PRH1: variants seen among roughly 807,000 people sequenced by gnomAD.
PRH1 encodes the protein salivary acidic proline-rich phosphoprotein 1/2.
A neutral mutation model predicts 7.9 loss-of-function variants in PRH1; 7 were observed. The ratio of observed to expected loss-of-function variants is 0.89; its 90% CI spans 0.50 to 1.67. The LOEUF is 1.67. PRH1 is among the 40% of genes most tolerant of loss of function. PRH1 has a pLI of 0.00. For missense variants in PRH1, 109 were observed against 223.6 expected (o/e 0.49, Z 3.27); for synonymous variants, 45 against 80.8 (o/e 0.56, Z 2.38).
chr12:11,170,888 C>T (rs1445664060), intron 1 of PRH1, among the ~76,000 whole-genome samples: 1 of 152,132 alleles, frequency 6.6e-6, no homozygotes, highest in African/African-American at 2.4e-5. Flanking sequence ...CTTTTATTGG[C>T]GTAGGAATCA....
chr12:11,103,721 T>C (rs964745471), intron 1 of PRH1, among the ~76,000 whole-genome samples: 4 of 151,798 alleles, frequency 2.6e-5, no homozygotes, highest in Admixed American at 2.0e-4. Context: ...ATAAAAAAAA[T>C]GAACAAAATC....
chr12:10,916,652 G>A (rs1365742628), intron 2 of PRH1, among the ~76,000 whole-genome samples: 1 of 151,290 alleles, frequency 6.6e-6, no homozygotes, highest in Non-Finnish European at 1.5e-5. Context: ...ATATGCAAAA[G>A]GACCATTCAG....
intron 2 of PRH1, among the ~76,000 whole-genome samples, chr12:10,963,381 G>C (rs1209096728): frequency 6.6e-6 from 1 of 151,642 alleles, no homozygotes; most frequent in Non-Finnish European, 1.5e-5. Flanking sequence ...CGTCATTTTA[G>C]AATTTGCAGA....
At chr12:10,962,674 A>G (rs1938294885) in intron 2 of PRH1, among the ~76,000 whole-genome samples, 1 of 152,124 alleles carries the variant, frequency 6.6e-6, no homozygotes, top group African/African-American at 2.4e-5. Flanking sequence ...TCACTAACTC[A>G]TTTGTTCTTC....
At chr12:11,053,047 A>T (rs1943218161) in intron 1 of PRH1, among the ~76,000 whole-genome samples, 1 of 152,296 alleles carries the variant, frequency 6.6e-6, no homozygotes, top group Non-Finnish European at 1.5e-5. Flanking sequence ...AATTTGAAAG[A>T]AACTGGAAAT....
At chr12:11,128,155 T>A (rs374075787) in intron 1 of PRH1, among the ~76,000 whole-genome samples, 11 of 150,800 alleles carry the variant, frequency 7.3e-5, no homozygotes, top group African/African-American at 2.7e-4. Context: ...TCAACAATTG[T>A]ATAACTATTC....
intron 2 of PRH1, chr12:10,908,680 T>C: frequency 1.2e-6 from 2 of 1,613,922 alleles, no homozygotes; most frequent in Non-Finnish European, 1.7e-6. Context: ...TGGAGATGTT[T>C]CTGCAGGGAG....
intron 2 of PRH1, among the ~76,000 whole-genome samples, chr12:10,924,564 T>A (rs1333371282): frequency 6.6e-6 from 1 of 152,192 alleles, no homozygotes; most frequent in African/African-American, 2.4e-5. Flanking sequence ...TGGAATAGTT[T>A]CAGAAGGAAT....
intron 1 of PRH1, among the ~76,000 whole-genome samples, chr12:11,026,768 T>G (rs1941937279): frequency 6.6e-6 from 1 of 152,196 alleles, no homozygotes; most frequent in African/African-American, 2.4e-5. Context: ...TGTGCTGTCT[T>G]CACTAAGCAG....
intron 1 of PRH1, among the ~76,000 whole-genome samples, chr12:11,028,023 G>A (rs1367915080): frequency 6.6e-6 from 1 of 152,236 alleles, no homozygotes; most frequent in South Asian, 2.1e-4. Context: ...AAGGAGTGGC[G>A]GTACTGGACA....
intron 2 of PRH1, among the ~76,000 whole-genome samples, chr12:10,897,160 G>A (rs1949659278): frequency 6.6e-6 from 1 of 152,086 alleles, no homozygotes; most frequent in East Asian, 1.9e-4. Flanking sequence ...GTCTGATACG[G>A]TAGATACTAG....
At chr12:10,895,028 C>T (rs780172612) in intron 2 of PRH1, 5 of 151,972 alleles carry the variant, frequency 3.3e-5, no homozygotes, top group Non-Finnish European at 4.4e-5. Flanking sequence ...TTTGCTGTCC[C>T]GTAAAATTAG....
intron 1 of PRH1, among the ~76,000 whole-genome samples, chr12:11,157,084 G>C (rs1216578164): frequency 1.3e-5 from 2 of 151,796 alleles, no homozygotes; most frequent in African/African-American, 4.8e-5. Context: ...CTGACCTCGT[G>C]ATCTGCCTGC....
chr12:10,906,665 G>A (rs1949808296), intron 2 of PRH1, among the ~76,000 whole-genome samples: 1 of 152,102 alleles, frequency 6.6e-6, no homozygotes, highest in Admixed American at 6.6e-5. Flanking sequence ...TTTTTATAAG[G>A]GGTTTCCCCT....
intron 2 of PRH1, among the ~76,000 whole-genome samples, 169 bp from the exon 3 acceptor site, chr12:10,882,867 A>T (rs1479238359): frequency 2.0e-5 from 3 of 152,060 alleles, no homozygotes; most frequent in South Asian, 2.1e-4. Flanking sequence ...TAATCCACAT[A>T]AGGGTGATGA....
intron 2 of PRH1, chr12:10,939,008 C>T (rs1249076827): frequency 3.1e-6 from 5 of 1,613,504 alleles, no homozygotes; most frequent in Non-Finnish European, 4.2e-6. Flanking sequence ...CACAGACACA[C>T]ACCAGCTTCC....
chr12:10,883,923 C>G (rs1949449139), intron 1 of PRH1, among the ~76,000 whole-genome samples: 1 of 152,192 alleles, frequency 6.6e-6, no homozygotes, highest in African/African-American at 2.4e-5. Context: ...GCAAATCTCA[C>G]TCTCTCACAC....
intron 2 of PRH1, chr12:10,964,691 G>A: frequency 3.2e-6 from 2 of 631,664 alleles, no homozygotes; most frequent in Admixed American, 2.1e-5. Context: ...GTGGACCTTG[G>A]TGTTGGAATC....
At chr12:11,126,443 G>T (rs1025302975) in intron 1 of PRH1, among the ~76,000 whole-genome samples, 1 of 5,956 alleles carries the variant, frequency 1.7e-4, no homozygotes, top group Non-Finnish European at 5.9e-4. Flanking sequence ...CTTTATAAAC[G>T]TCTCTCTAGT....
Sources: gnomAD v4.1 joint callset for allele counts (sites outside exome capture counted in the v4.1 genomes callset) on GRCh38, gnomAD v4.1.1 for gene constraint, MANE v1.5 for transcripts, NCBI Gene and HGNC (gene_info 2026-07-23, HGNC 2026-07-21) for gene names.